EMILIN2: variants seen among roughly 807,000 people sequenced by gnomAD.
The protein encoded by EMILIN2 is EMILIN-2.
EMILIN2 carries 71 observed loss-of-function variants against 87.1 expected under a neutral mutation model. The ratio of observed to expected loss-of-function variants is 0.82; its 90% CI spans 0.67 to 0.99. The LOEUF (loss-of-function observed/expected upper bound fraction) is 0.99. Ranked by LOEUF, EMILIN2 falls within the 50% of genes least tolerant of loss-of-function variation. The pLI, the probability that EMILIN2 is intolerant of heterozygous loss-of-function variation, is 0.00. For missense variants in EMILIN2, 1,407 were observed against 1,371.8 expected, an observed-to-expected ratio of 1.03 and a Z score of -0.40; for synonymous variants, 581 against 563.4, an observed-to-expected ratio of 1.03 and a Z score of -0.44.
intron 2 of EMILIN2, among the ~76,000 whole-genome samples, chr18:2,865,857 A>C (rs2076683960): frequency 6.6e-6 from 1 of 152,190 alleles, no homozygotes; most frequent in South Asian, 2.1e-4. Flanking sequence ...GTGGGCTCCA[A>C]CCAGTTCAAG....
intron 4 of EMILIN2, among the ~76,000 whole-genome samples, chr18:2,904,389 A>G (rs1382517084): frequency 6.6e-6 from 1 of 152,110 alleles, no homozygotes; most frequent in African/African-American, 2.4e-5. Context: ...CATTACCCCT[A>G]CATACCAGTT....
intron 4 of EMILIN2, among the ~76,000 whole-genome samples, chr18:2,903,481 C>G (rs1054761048): frequency 6.6e-6 from 1 of 152,178 alleles, no homozygotes; most frequent in South Asian, 2.1e-4. Context: ...TGTTTCTTTT[C>G]TTTGGTACTT....
At chr18:2,853,343 G>A (rs185051838) in intron 2 of EMILIN2, among the ~76,000 whole-genome samples, 87 of 152,240 alleles carry the variant, frequency 5.7e-4, no homozygotes, top group African/African-American at 2.0e-3. Context: ...GCGATCGCCC[G>A]TCAGTGTGGT....
At chr18:2,906,108 T>C (rs956730281) in intron 4 of EMILIN2, 1 of 152,116 alleles carries the variant, frequency 6.6e-6, no homozygotes, top group African/African-American at 2.4e-5. Context: ...GGCCCGGGTA[T>C]TGTCAGGCGT....
intron 4 of EMILIN2, among the ~76,000 whole-genome samples, chr18:2,902,545 T>C (rs572929380): frequency 1.3e-5 from 2 of 152,158 alleles, no homozygotes; most frequent in Middle Eastern, 3.4e-3. Flanking sequence ...AAGAGGCCAT[T>C]TCAGGGGTGC....
rs1185743880 is a variant in EMILIN2 at position 2,913,424 on chromosome 18, G to A, written c.*20G>A. On this transcript the variant is annotated 3_prime_UTR_variant, in exon 8 of 8. Coordinates refer to ENST00000254528, the MANE Select transcript of EMILIN2 (RefSeq NM_032048.3). ...CTCTAAGGTGGCTGGGGAGATGTCA[G>A]GGGAAAGATAGATAGTTGTAAAAAC... The A allele has an allele frequency of 2.0e-6, 3 of 1,533,342 alleles. No homozygotes were observed. The highest frequency in any genetic ancestry group is 2.6e-6 in the Non-Finnish European group (3 of 1,135,776). The allele number at this position is 1,533,342 out of a possible 1,614,324, so 95.0% of individuals were successfully genotyped here. A position where few individuals can be genotyped will look rare whatever the true frequency, so the allele number is the denominator to read the frequency against.
At chr18:2,905,811 A>C (rs1285631457) in intron 4 of EMILIN2, among the ~76,000 whole-genome samples, 2 of 139,586 alleles carry the variant, frequency 1.4e-5, no homozygotes, top group African/African-American at 5.5e-5. Context: ...TTTGGAAGAG[A>C]TGAGGTTTCG....
In EMILIN2 at chr18:2,880,914, T is replaced by G. The variant is rs1359655720; in HGVS notation, c.258-4050T>G. ...GAAAGGTACGAGCACCCTCCACCAA[T>G]TAAGGTATAATTTTGCTGAAAATTC... On this transcript the variant is annotated intron_variant, in intron 2 of 7. Coordinates refer to ENST00000254528, the MANE Select transcript of EMILIN2 (RefSeq NM_032048.3). The surrounding 1 kb of genome is among the most constrained non-coding windows in gnomAD (Gnocchi z 4.1). 6.6e-6 allele frequency among the ~76,000 whole-genome samples: 1 copy of G among 152,196 alleles called. No homozygotes were observed. The highest frequency in any genetic ancestry group is 1.5e-5 in the Non-Finnish European group (1 of 68,026).
At chr18:2,901,962 G>T (rs1167349672) in intron 4 of EMILIN2, among the ~76,000 whole-genome samples, 1 of 152,182 alleles carries the variant, frequency 6.6e-6, no homozygotes, top group Non-Finnish European at 1.5e-5. Context: ...CGGCACTCAT[G>T]CACGGACTCC....
chr18:2,876,628 T>A (rs80280207), intron 2 of EMILIN2, among the ~76,000 whole-genome samples: 85,697 of 136,838 alleles, frequency 0.63, 25,617 homozygotes, highest in East Asian at 0.91. Context: ...TAGCCGGGTG[T>A]GGTGGCGGGC....
chr18:2,884,034 C>G (rs866465855), intron 2 of EMILIN2, among the ~76,000 whole-genome samples: 1 of 152,158 alleles, frequency 6.6e-6, no homozygotes, highest in Non-Finnish European at 1.5e-5. Context: ...CGGCTCACTG[C>G]AAGCTCCACC....
chr18:2,858,569 A>ATATATATACGTGTGTG (rs1305555851), intron 2 of EMILIN2, among the ~76,000 whole-genome samples: 1 of 55,376 alleles, frequency 1.8e-5, no homozygotes, highest in African/African-American at 1.2e-4. Flanking sequence ...ATATATATAT[A>ATATATATACGTGTGTG]TGTGTGTGTG....
chr18:2,909,445 C>T (rs2076930591), intron 6 of EMILIN2, among the ~76,000 whole-genome samples: 1 of 152,242 alleles, frequency 6.6e-6, no homozygotes, highest in Non-Finnish European at 1.5e-5. Context: ...GCTTACATGC[C>T]CAGCCTCACA....
Position 2,906,858 on chromosome 18 carries a change from G to T in EMILIN2, c.2435G>T (p.Ser812Ile). 2 of 1,361,606 alleles carry T rather than the reference G, an allele frequency of 1.5e-6. No homozygotes were observed. Among genetic ancestry groups the T allele is most frequent in the East Asian group, 3.1e-5 (1 of 31,898 alleles). The allele number at this position is 1,361,606 out of a possible 1,614,324, so 84.3% of individuals were successfully genotyped here. A position where few individuals can be genotyped will look rare whatever the true frequency, so the allele number is the denominator to read the frequency against. The change falls in exon 5 of 8, where the codon AGC (serine) becomes ATC (isoleucine). Residue 812 changes from serine (S) to isoleucine (I), a missense_variant. Coordinates refer to ENST00000254528, the MANE Select transcript of EMILIN2 (RefSeq NM_032048.3). ...CCCGAGCCCGCCCCGCCGAGGCCCAGCGGCCCCGCAACCGCAGAGGACCCT... is the reference window on the plus strand; with the variant it reads ...CCCGAGCCCGCCCCGCCGAGGCCCATCGGCCCCGCAACCGCAGAGGACCCT... The part of the protein sequence containing the change: ...LQPEPAPPRP[S>I]GPATAEDPGR...
chr18:2,881,478 A>G (rs2076776508), intron 2 of EMILIN2, among the ~76,000 whole-genome samples: 2 of 152,338 alleles, frequency 1.3e-5, no homozygotes, highest in South Asian at 4.1e-4. Flanking sequence ...GCTGGCCCCA[A>G]AATAAAATTG....
In EMILIN2 at chr18:2,915,753, G is replaced by C. The variant is rs2076965610; in HGVS notation, c.*2349G>C. The C allele has an allele frequency of 8.5e-5, 13 of 152,278 alleles. No individual in the cohort carries two copies. The highest frequency in any genetic ancestry group is 1.9e-4 in the East Asian group (1 of 5,168). The allele number at this position is 152,278 out of a possible 1,614,324, so 9.4% of individuals were successfully genotyped here. On this transcript the variant is annotated 3_prime_UTR_variant, in exon 8 of 8. Coordinates refer to ENST00000254528, the MANE Select transcript of EMILIN2 (RefSeq NM_032048.3). ...GCCCAGGCTGGTCGCGAACTCCTGAGCTCAGCCAATCCGCCCACCTCGGCC... is the reference window on the plus strand; with the variant it reads ...GCCCAGGCTGGTCGCGAACTCCTGACCTCAGCCAATCCGCCCACCTCGGCC...
Position 2,882,595 on chromosome 18 carries a change from A to T in EMILIN2, c.258-2369A>T, listed in dbSNP as rs552167113. Among the ~76,000 whole-genome samples the T allele has an allele frequency of 3.9e-5, 6 of 152,072 alleles. No homozygotes were observed. The East Asian group carries it at 5.8e-4, about 15-fold the overall frequency. On this transcript the variant is annotated intron_variant, in intron 2 of 7. Coordinates refer to ENST00000254528, the MANE Select transcript of EMILIN2 (RefSeq NM_032048.3). The stretch of plus-strand genomic sequence containing the variant: ...CCCTATCTCTTAAAAAAATTTTTTT[A>T]AATTGGCTGGGCACAGTGGCTCACA...
At chr18:2,896,667 T>TTTA (rs1568479685) in intron 4 of EMILIN2, among the ~76,000 whole-genome samples, 8 of 140,928 alleles carry the variant, frequency 5.7e-5, no homozygotes, top group East Asian at 2.1e-4. Flanking sequence ...TTATTTATTT[T>TTTA]TTTAGAGATG....
At chr18:2,899,650 G>A (rs1031758641) in intron 4 of EMILIN2, among the ~76,000 whole-genome samples, 13 of 151,862 alleles carry the variant, frequency 8.6e-5, no homozygotes, top group Admixed American at 7.2e-4. Context: ...GATTACAGGC[G>A]CCCACCACCA....
Sources: gnomAD v4.1 joint callset for allele counts (sites outside exome capture counted in the v4.1 genomes callset) on GRCh38, gnomAD v4.1.1 for gene constraint, Gnocchi (gnomAD v3.1) non-coding constraint, MANE v1.5 for transcripts, NCBI Gene and HGNC (gene_info 2026-07-23, HGNC 2026-07-21) for gene names.